Variants in MICAL2 observed in about 807,000 individuals in gnomAD.
MICAL2 encodes microtubule associated monooxygenase, calponin and LIM domain containing 2.
Under a neutral mutation model 127.3 loss-of-function variants are expected in MICAL2, and 77 were observed. The ratio of observed to expected loss-of-function variants is 0.60; its 90% CI spans 0.50 to 0.73. The LOEUF (loss-of-function observed/expected upper bound fraction) is 0.73, where lower values mean the gene tolerates loss of function less well. Ranked by LOEUF, MICAL2 falls within the 30% of genes least tolerant of loss-of-function variation. The pLI, the probability that MICAL2 is intolerant of heterozygous loss-of-function variation, is 0.00. For synonymous variants in MICAL2, 570 were observed against 551.1 expected, an observed-to-expected ratio of 1.03 and a Z score of -0.48; for missense variants, 1,351 against 1,434.4, an observed-to-expected ratio of 0.94 and a Z score of 0.94.
chr11:12,170,579 T>G (rs1173524434), intron 3 of MICAL2, among the ~76,000 whole-genome samples: 1 of 152,232 alleles, frequency 6.6e-6, no homozygotes, highest in Non-Finnish European at 1.5e-5. Context: ...AATGGGAGAC[T>G]TTAGGGCCCT....
chr11:12,322,178 G>A (rs1343340653), intron 30 of MICAL2, among the ~76,000 whole-genome samples: 1 of 152,166 alleles, frequency 6.6e-6, no homozygotes, highest in Non-Finnish European at 1.5e-5. Context: ...TTTGGTAAAT[G>A]AGAGGATTTA....
chr11:12,201,162 G>A (rs977841321), intron 3 of MICAL2, among the ~76,000 whole-genome samples: 3 of 152,070 alleles, frequency 2.0e-5, no homozygotes, highest in African/African-American at 7.2e-5. Context: ...TCTATCCAGA[G>A]AGGAAGCACG....
intron 32 of MICAL2, among the ~76,000 whole-genome samples, chr11:12,329,527 C>T (rs1366182524): frequency 6.6e-6 from 1 of 152,186 alleles, no homozygotes; most frequent in East Asian, 1.9e-4. Context: ...GCCCTGTGTT[C>T]AAATTCTATT....
At chr11:12,255,398 C>A in intron 22 of MICAL2, 1 of 505,102 alleles carries the variant, frequency 2.0e-6, no homozygotes, top group Admixed American at 3.2e-5. Context: ...CTCTAGGTAC[C>A]ACATATAAGT....
At chr11:12,166,406 T>C (rs1439162299) in intron 3 of MICAL2, among the ~76,000 whole-genome samples, 1 of 152,230 alleles carries the variant, frequency 6.6e-6, no homozygotes, top group East Asian at 1.9e-4. Flanking sequence ...AAGATGTGGT[T>C]CTTACTTGAG....
downstream of MICAL2, chr11:12,294,814 TCC>T: frequency 6.6e-7 from 1 of 1,506,464 alleles, no homozygotes; most frequent in Non-Finnish European, 8.8e-7. Flanking sequence ...CTCCTCCTCC[TCC>T]TCCTCCTCCT....
intron 3 of MICAL2, among the ~76,000 whole-genome samples, chr11:12,179,174 A>G (rs1857161355): frequency 6.6e-6 from 1 of 152,130 alleles, no homozygotes; most frequent in South Asian, 2.1e-4. Flanking sequence ...TGATCAGCCC[A>G]GCTCCTGCCT....
intron 2 of MICAL2, among the ~76,000 whole-genome samples, chr11:12,285,028 T>A (rs1863809933): frequency 6.6e-6 from 1 of 152,220 alleles, no homozygotes; most frequent in South Asian, 2.1e-4. Context: ...AATTTTATTA[T>A]TACTTAAATC....
intron 34 of MICAL2, chr11:12,354,887 T>C (rs373334451): frequency 1.4e-5 from 23 of 1,600,756 alleles, no homozygotes; most frequent in Non-Finnish European, 1.9e-5. Flanking sequence ...TGTTGAGAAC[T>C]TCCCCCTAGA....
chr11:12,323,867 A>G (rs1021832703), intron 30 of MICAL2: 1 of 1,187,608 alleles, frequency 8.4e-7, no homozygotes, highest in African/African-American at 1.5e-5. Context: ...TTAGAAGGTA[A>G]GCAGTGGCTG....
At chr11:12,292,278 A>G (rs1863914806), downstream of MICAL2, 3 of 1,614,006 alleles carry the variant, frequency 1.9e-6, no homozygotes, top group South Asian at 2.2e-5. Flanking sequence ...AATGCTCCAG[A>G]TGGTTCCTCC....
rs527237181 is a variant in MICAL2, at chr11:12,194,696, A to G, written c.265-9554A>G. ...CCTGTGTCTTTTGTTCTCCAGAAGA[A>G]GATCGCTGGCCAGATCCAGGCCTTA... On this transcript the variant is annotated intron_variant, in intron 3 of 27. Transcript: ENST00000683283. Among the ~76,000 whole-genome samples the G allele has an allele frequency of 1.8e-4, 27 of 152,156 alleles. 1 individual carries two copies. The South Asian group carries it at 5.0e-3, about 28-fold the overall frequency.
At chr11:12,275,558 G>A (rs564719866), upstream of MICAL2, among the ~76,000 whole-genome samples, 5 of 152,310 alleles carry the variant, frequency 3.3e-5, no homozygotes, top group African/African-American at 1.2e-4. Context: ...CCTAGAAGCT[G>A]AGAGAGCTGT....
In MICAL2 at chr11:12,118,888, A is replaced by G. The variant is rs191192836; in HGVS notation, c.-149+8162A>G. Among the ~76,000 whole-genome samples the G allele has an allele frequency of 2.0e-3, 306 of 152,246 alleles. 3 individuals are homozygous for G. The highest frequency in any genetic ancestry group is 7.2e-3 in the African/African-American group (297 of 41,538). On this transcript the variant is annotated intron_variant, in intron 1 of 27. Transcript: ENST00000683283. Reference sequence around the variant, plus strand: ...TGTTGTTGTTGTTTTGTTTTTTCACATTTAACGAGTGACCCATTGCCAGAA... The same window carrying G: ...TGTTGTTGTTGTTTTGTTTTTTCACGTTTAACGAGTGACCCATTGCCAGAA...
chr11:12,304,379 C>T (rs970686603), intron 29 of MICAL2, among the ~76,000 whole-genome samples: 1 of 151,998 alleles, frequency 6.6e-6, no homozygotes, highest in Non-Finnish European at 1.5e-5. Flanking sequence ...ACCTATAATC[C>T]CAGCACTTTG....
Position 12,244,009 on chromosome 11 carries a change from T to G in MICAL2, c.2681T>G (p.Leu894Arg). ...FPQNKLLSKG[L>R]SHTHPPSPPS... is the part of the protein sequence containing the mutation. ...CAGAATAAACTACTCTCTAAAGGCCTGTCTCATACTCATCCTCCATCTCCT... is the reference window on the plus strand; with the variant it reads ...CAGAATAAACTACTCTCTAAAGGCCGGTCTCATACTCATCCTCCATCTCCT... Residue 894 changes from leucine to arginine, a missense_variant, in exon 21 of 28, where the codon CTG becomes CGG. Leu to Arg is a moderately radical substitution (Grantham distance 102). Coordinates refer to ENST00000683283, the MANE Select transcript of MICAL2 (RefSeq NM_001282663.2). The G allele has an allele frequency of 6.2e-7, 1 of 1,613,802 alleles. No individual in the cohort carries two copies.
intron 3 of MICAL2, among the ~76,000 whole-genome samples, chr11:12,194,265 T>C (rs1463434847): frequency 6.6e-6 from 1 of 152,248 alleles, no homozygotes; most frequent in East Asian, 1.9e-4. Context: ...CTGAACCAGA[T>C]ACCGGGATTT....
At chr11:12,326,791 C>A (rs981671691) in intron 31 of MICAL2, among the ~76,000 whole-genome samples, 1 of 152,206 alleles carries the variant, frequency 6.6e-6, no homozygotes, top group African/African-American at 2.4e-5. Context: ...CCCCTGGACC[C>A]CCTACCCTAC....
intron 24 of MICAL2, among the ~76,000 whole-genome samples, chr11:12,269,921 G>A (rs7946731): frequency 5.3e-5 from 8 of 152,310 alleles, no homozygotes; most frequent in African/African-American, 1.4e-4. Context: ...GCCAGAGGCC[G>A]AAGATTGCCC....
Sources: allele counts gnomAD v4.1 joint callset (sites outside exome capture counted in the v4.1 genomes callset), GRCh38; gene constraint gnomAD v4.1.1; transcripts MANE v1.5; gene names NCBI Gene and HGNC (gene_info 2026-07-23, HGNC 2026-07-21).